SLC14A2: variants seen among roughly 807,000 people sequenced by gnomAD.
The protein encoded by SLC14A2 is solute carrier family 14 member 2, also known as urea transporter 2.
A neutral mutation model predicts 104.6 loss-of-function variants in SLC14A2; 91 were observed. That is an observed-to-expected ratio of 0.87 (90% CI 0.73 to 1.04). The LOEUF (loss-of-function observed/expected upper bound fraction) is 1.04. SLC14A2 is among the 50% of genes least tolerant of loss of function. The pLI is 0.00. For synonymous variants in SLC14A2, 476 were observed against 466.4 expected (o/e 1.02, Z -0.27); for missense variants, 1,189 against 1,156.0 (o/e 1.03, Z -0.41).
intron 1 of SLC14A2, among the ~76,000 whole-genome samples, chr18:45,408,847 A>G (rs973485774): frequency 5.9e-5 from 9 of 152,210 alleles, no homozygotes; most frequent in Admixed American, 3.3e-4. Context: ...ACCAGGTTCT[A>G]TGACCAACTA....
At chr18:45,208,457 C>T (rs1466997589), upstream of SLC14A2, among the ~76,000 whole-genome samples, 1 of 152,154 alleles carries the variant, frequency 6.6e-6, no homozygotes, top group Non-Finnish European at 1.5e-5. Flanking sequence ...ATAGTGGTTA[C>T]AACATCTCTG....
the SLC14A2 span, among the ~76,000 whole-genome samples, chr18:45,193,680 C>T: frequency 6.6e-6 from 1 of 152,178 alleles, no homozygotes; most frequent in East Asian, 1.9e-4. Context: ...TTTTCAAAGT[C>T]GTTTTGGTTC....
Position 45,663,908 on chromosome 18 carries a change from G to T in SLC14A2, c.1474+1G>T, listed in dbSNP as rs1420197962. The T allele has an allele frequency of 1.2e-6, 2 of 1,610,966 alleles. No individual in the cohort carries two copies. Among genetic ancestry groups the T allele is most frequent in the Admixed American group, 1.7e-5 (1 of 59,716 alleles). On this transcript the variant is annotated splice_donor_variant, in intron 11 of 19. Coordinates refer to ENST00000255226, the MANE Select transcript of SLC14A2 (RefSeq NM_007163.4). LOFTEE classifies it high-confidence loss of function. ...TCATCCATTCGGAGGAGGAGCAAAG[G>T]TGTGCATGTCCTCCCCCTCACGCTT... is the stretch of plus-strand genomic sequence containing the variant.
rs992508968 is a variant in SLC14A2, at chr18:45,394,669, C to T, written c.-124-88564C>T. ...TGTCTTCTTTAGAGAAATGTCCATT[C>T]AAGGCTTTTGCCCATTTTTTAATCT... On this transcript the variant is annotated intron_variant, in intron 1 of 20. Coordinates refer to the SLC14A2 transcript ENST00000586448. 3.3e-5 allele frequency among the ~76,000 whole-genome samples: 5 copies of T among 152,100 alleles called. No individual in the cohort carries two copies. In the South Asian group the frequency reaches 1.0e-3, roughly 31 times the overall value.
In SLC14A2 at chr18:45,451,432, G is replaced by A. The variant is rs1333705882; in HGVS notation, c.-124-31801G>A. On this transcript the variant is annotated intron_variant, in intron 1 of 20. Coordinates refer to the SLC14A2 transcript ENST00000586448. ...AAGAAAAATACAAATTCAAAGGAAGGAAAAATAACTATCTGATCCTTGGGA... is the reference window on the plus strand; with the variant it reads ...AAGAAAAATACAAATTCAAAGGAAGAAAAAATAACTATCTGATCCTTGGGA... Among the ~76,000 whole-genome samples, 39 of 151,836 alleles carry A rather than the reference G, an allele frequency of 2.6e-4. 1 individual carries two copies. The highest frequency in any genetic ancestry group is 2.6e-3 in the Admixed American group (39 of 15,272).
chr18:45,304,649 A>AT (rs1304177865), intron 1 of SLC14A2, among the ~76,000 whole-genome samples: 3 of 152,220 alleles, frequency 2.0e-5, no homozygotes, highest in Non-Finnish European at 1.5e-5. Flanking sequence ...TCTTTAAGCA[A>AT]TGAATAGAAT....
chr18:45,331,098 G>A (rs1478693119), intron 1 of SLC14A2, among the ~76,000 whole-genome samples: 3 of 152,140 alleles, frequency 2.0e-5, no homozygotes, highest in Non-Finnish European at 1.5e-5. Flanking sequence ...AATAATTGGA[G>A]ACATATATGA....
At chr18:45,552,168 G>C (rs751590114) in intron 2 of SLC14A2, among the ~76,000 whole-genome samples, 1 of 152,276 alleles carries the variant, frequency 6.6e-6, no homozygotes, top group South Asian at 2.1e-4. Context: ...AAAGATACAA[G>C]GGACACAGGA....
chr18:45,354,761 C>G (rs1049299913), intron 1 of SLC14A2, among the ~76,000 whole-genome samples: 1 of 152,292 alleles, frequency 6.6e-6, no homozygotes, highest in South Asian at 2.1e-4. Flanking sequence ...TGCTGCACTT[C>G]CCCAACCTTC....
chr18:45,374,048 A>G (rs528790465), intron 1 of SLC14A2, among the ~76,000 whole-genome samples: 1 of 152,184 alleles, frequency 6.6e-6, no homozygotes, highest in Non-Finnish European at 1.5e-5. Context: ...TGACAACCTC[A>G]AGACCTTCTC....
At position 45,617,338 on chromosome 18, in the gene SLC14A2, A is replaced by T. The variant is rs552941169; in HGVS notation, c.-35+1756A>T. ...TGGCCCTGCAGCAGAAACCAGAAAGATAAAGCCCCTGGCCCACTGGCCACC... is the reference window on the plus strand; with the variant it reads ...TGGCCCTGCAGCAGAAACCAGAAAGTTAAAGCCCCTGGCCCACTGGCCACC... On this transcript the variant is annotated intron_variant, in intron 1 of 19. Coordinates refer to ENST00000255226, the MANE Select transcript of SLC14A2 (RefSeq NM_007163.4). Among the ~76,000 whole-genome samples the T allele has an allele frequency of 3.3e-5, 5 of 152,138 alleles. No homozygotes were observed. In the South Asian group the frequency reaches 1.0e-3, roughly 32 times the overall value.
intron 1 of SLC14A2, among the ~76,000 whole-genome samples, chr18:45,419,024 G>C (rs536260910): frequency 6.6e-6 from 1 of 152,184 alleles, no homozygotes; most frequent in Non-Finnish European, 1.5e-5. Context: ...GATACTGCTA[G>C]AGTCTCTTCA....
intron 1 of SLC14A2, among the ~76,000 whole-genome samples, chr18:45,282,832 C>T (rs2084776329): frequency 3.4e-5 from 1 of 29,680 alleles, no homozygotes; most frequent in Non-Finnish European, 6.3e-5. Flanking sequence ...TCCCTCCCTT[C>T]CTTTCTTTTC....
intron 2 of SLC14A2, among the ~76,000 whole-genome samples, chr18:45,493,580 G>A (rs1180864393): frequency 2.6e-5 from 4 of 152,202 alleles, no homozygotes; most frequent in Non-Finnish European, 1.5e-5. Context: ...GGTAGTCAAG[G>A]AAAGAGCCAG....
intron 2 of SLC14A2, among the ~76,000 whole-genome samples, chr18:45,625,087 G>A (rs1410050800): frequency 6.6e-6 from 1 of 152,082 alleles, no homozygotes; most frequent in Non-Finnish European, 1.5e-5. Flanking sequence ...CTGCTCCCTT[G>A]AACTACCCTA....
At chr18:45,418,009 T>G (rs2144510706) in intron 1 of SLC14A2, among the ~76,000 whole-genome samples, 1 of 152,326 alleles carries the variant, frequency 6.6e-6, no homozygotes. Context: ...GTGGGAAGAC[T>G]TGGGTGCAGC....
At chr18:45,611,616 G>A (rs2044972800), upstream of SLC14A2, among the ~76,000 whole-genome samples, 1 of 152,204 alleles carries the variant, frequency 6.6e-6, no homozygotes, top group Admixed American at 6.5e-5. Context: ...CAGCTCTAGG[G>A]AGAAGAATTA....
At chr18:45,249,473 T>C (rs902291928) in intron 1 of SLC14A2, among the ~76,000 whole-genome samples, 16 of 152,144 alleles carry the variant, frequency 1.1e-4, no homozygotes, top group African/African-American at 3.9e-4. Flanking sequence ...AAACATTCAT[T>C]TGAGAAAAGA....
intron 1 of SLC14A2, among the ~76,000 whole-genome samples, chr18:45,421,398 A>C (rs1256261852): frequency 1.3e-5 from 2 of 152,170 alleles, no homozygotes; most frequent in African/African-American, 4.8e-5. Flanking sequence ...TACAACCAGC[A>C]TAAAAAGGTT....
Sources: gnomAD v4.1 joint callset for allele counts (sites outside exome capture counted in the v4.1 genomes callset) on GRCh38, gnomAD v4.1.1 for gene constraint, MANE v1.5 for transcripts, NCBI Gene and HGNC (gene_info 2026-07-23, HGNC 2026-07-21) for gene names.